Variants in ADK observed in about 807,000 individuals in gnomAD.
The protein encoded by ADK is adenosine kinase, also known as N6,N6-dimethyladenosine kinase.
A neutral mutation model predicts 44.7 loss-of-function variants in ADK; 24 were observed. That is an observed-to-expected ratio of 0.54 (90% CI 0.39 to 0.76). The LOEUF is 0.76. Among genes scored for constraint, ADK ranks in the 30% least tolerant of loss-of-function variants. ADK has a pLI of 0.00. For synonymous variants in ADK, 128 were observed against 142.6 expected (o/e 0.90, Z 0.73); for missense variants, 321 against 425.1 (o/e 0.76, Z 2.15).
intron 4 of ADK, among the ~76,000 whole-genome samples, chr10:74,393,215 T>C (rs1268707898): frequency 6.6e-6 from 1 of 152,174 alleles, no homozygotes; most frequent in African/African-American, 2.4e-5. Flanking sequence ...AAAATCTATT[T>C]TGATATCTTT....
intron 9 of ADK, chr10:74,655,984 C>A: frequency 1.5e-6 from 1 of 678,626 alleles, no homozygotes; most frequent in Non-Finnish European, 2.8e-6. Flanking sequence ...CTGGACGTGA[C>A]CATGGGAACC....
At chr10:74,595,093 C>G (rs1851855473) in intron 8 of ADK, among the ~76,000 whole-genome samples, 1 of 144,376 alleles carries the variant, frequency 6.9e-6, no homozygotes, top group Admixed American at 7.3e-5. Flanking sequence ...AGGAGAATTG[C>G]TTGAACCAGG....
At chr10:74,554,783 T>TAA (rs530734494) in intron 7 of ADK, among the ~76,000 whole-genome samples, 3,150 of 137,938 alleles carry the variant, frequency 0.023, 102 homozygotes, top group African/African-American at 0.069. Flanking sequence ...TGTCTCTATT[T>TAA]AAAAAAAAAA....
At chr10:74,535,120 T>G (rs1849407278) in intron 7 of ADK, among the ~76,000 whole-genome samples, 1 of 152,200 alleles carries the variant, frequency 6.6e-6, no homozygotes, top group African/African-American at 2.4e-5. Context: ...ACATCTGTAT[T>G]CAGGAGTGCT....
intron 3 of ADK, among the ~76,000 whole-genome samples, chr10:74,264,560 A>G (rs544812317): frequency 6.6e-5 from 10 of 152,066 alleles, no homozygotes; most frequent in Non-Finnish European, 1.3e-4. Context: ...TATTTGCCAT[A>G]TATCTGTGCC....
At chr10:74,666,599 A>G (rs1854963566) in intron 9 of ADK, among the ~76,000 whole-genome samples, 1 of 152,152 alleles carries the variant, frequency 6.6e-6, no homozygotes, top group Admixed American at 6.6e-5. Context: ...ATTAGTGCAG[A>G]AAGCTAGTTT....
intron 6 of ADK, among the ~76,000 whole-genome samples, chr10:74,491,630 A>G (rs1237102860): frequency 2.0e-5 from 3 of 152,220 alleles, no homozygotes; most frequent in Non-Finnish European, 2.9e-5. Context: ...ACATAAACCA[A>G]TAGAGAGCAG....
At chr10:74,223,538 T>C (rs901220513) in intron 2 of ADK, among the ~76,000 whole-genome samples, 1 of 152,156 alleles carries the variant, frequency 6.6e-6, no homozygotes, top group African/African-American at 2.4e-5. Flanking sequence ...TTCAGGCAGA[T>C]TAATTTTAAA....
intron 6 of ADK, among the ~76,000 whole-genome samples, chr10:74,517,136 A>G (rs1042499633): frequency 5.3e-5 from 8 of 152,148 alleles, no homozygotes; most frequent in Non-Finnish European, 1.2e-4. Context: ...GGGTGGGAAC[A>G]CAGAGCCAAA....
rs368189520 is a variant in ADK at position 74,267,158 on chromosome 10, C to T, written c.194+42567C>T. The stretch of plus-strand genomic sequence containing the variant: ...GCAGGTTATATGCAAATACAGTTGA[C>T]CCTCAAACAGCACAGGTTTGAACTG... On this transcript the variant is annotated intron_variant, in intron 3 of 10. Coordinates refer to ENST00000539909, the MANE Select transcript of ADK (RefSeq NM_006721.4). Among the ~76,000 whole-genome samples the T allele has an allele frequency of 2.0e-4, 31 of 152,242 alleles. 2 individuals carry two copies. The highest frequency in any genetic ancestry group is 7.2e-4 in the African/African-American group (30 of 41,542).
chr10:74,224,188 A>G (rs1844433920), intron 2 of ADK, among the ~76,000 whole-genome samples: 1 of 152,218 alleles, frequency 6.6e-6, no homozygotes, highest in South Asian at 2.1e-4. Flanking sequence ...ATTACTATAT[A>G]TTTAATGAAT....
At chr10:74,189,637 A>G (rs1475309596) in intron 1 of ADK, among the ~76,000 whole-genome samples, 1 of 152,224 alleles carries the variant, frequency 6.6e-6, no homozygotes, top group Non-Finnish European at 1.5e-5. Flanking sequence ...TAAAAATTGC[A>G]CAGCTCAGTA....
At chr10:74,276,742 G>A (rs978107170) in intron 3 of ADK, among the ~76,000 whole-genome samples, 2 of 151,590 alleles carry the variant, frequency 1.3e-5, no homozygotes, top group Non-Finnish European at 2.9e-5. Flanking sequence ...TTGGGAAGTG[G>A]TGTTTACCTG....
chr10:74,467,612 T>G (rs1846409849), intron 6 of ADK, among the ~76,000 whole-genome samples: 1 of 152,110 alleles, frequency 6.6e-6, no homozygotes, highest in Non-Finnish European at 1.5e-5. Flanking sequence ...TGAAATGAAA[T>G]CTTTTCTTTT....
At chr10:74,181,176 T>A (rs758693118) in intron 1 of ADK, among the ~76,000 whole-genome samples, 1 of 152,206 alleles carries the variant, frequency 6.6e-6, no homozygotes. Flanking sequence ...GATCTCTAGA[T>A]ACCTTGTTCA....
intron 4 of ADK, among the ~76,000 whole-genome samples, chr10:74,331,916 C>T (rs981419371): frequency 3.9e-5 from 6 of 152,156 alleles, no homozygotes; most frequent in South Asian, 2.1e-4. Context: ...TCAGTGTTTG[C>T]GATCTTGGCT....
At chr10:74,426,165 T>C (rs183404357) in intron 6 of ADK, among the ~76,000 whole-genome samples, 11 of 152,316 alleles carry the variant, frequency 7.2e-5, no homozygotes, top group African/African-American at 2.6e-4. Context: ...TTTGTTAATA[T>C]ATAATGAATG....
chr10:74,295,290 C>T (rs1458851822), intron 3 of ADK, among the ~76,000 whole-genome samples: 3 of 151,680 alleles, frequency 2.0e-5, no homozygotes, highest in African/African-American at 4.8e-5. Context: ...GGTGAAACCC[C>T]GTTTCTACTA....
chr10:74,579,484 G>A (rs973265808), intron 7 of ADK, among the ~76,000 whole-genome samples: 3 of 152,070 alleles, frequency 2.0e-5, no homozygotes, highest in Non-Finnish European at 2.9e-5. Context: ...ACCAGACAAG[G>A]TATATAACAT....
Sources: allele counts gnomAD v4.1 joint callset (sites outside exome capture counted in the v4.1 genomes callset), GRCh38; gene constraint gnomAD v4.1.1; transcripts MANE v1.5; gene names NCBI Gene and HGNC (gene_info 2026-07-23, HGNC 2026-07-21).